The following SPPL2B variants were observed in gnomAD, a reference collection of about 807,000 sequenced individuals.
The protein encoded by SPPL2B is signal peptide peptidase like 2B.
SPPL2B carries 39 observed loss-of-function variants against 59.7 expected under a neutral mutation model. That is an observed-to-expected ratio of 0.65 (90% CI 0.51 to 0.85). The LOEUF (loss-of-function observed/expected upper bound fraction) is 0.85. SPPL2B is among the 40% of genes least tolerant of loss of function. SPPL2B has a pLI of 0.00. For missense variants in SPPL2B, 865 were observed against 849.0 expected, an observed-to-expected ratio of 1.02 and a Z score of -0.23; for synonymous variants, 419 against 370.8, an observed-to-expected ratio of 1.13 and a Z score of -1.49.
intron 13 of SPPL2B, among the ~76,000 whole-genome samples, chr19:2,349,969 T>TCC (rs1969804873): frequency 7.7e-5 from 10 of 130,108 alleles, no homozygotes; most frequent in African/African-American, 1.2e-4. Context: ...GTTCTCTCTC[T>TCC]ACACACACTC....
At position 2,334,688 on chromosome 19, in the gene SPPL2B, G is replaced by A; in HGVS notation, c.153G>A (p.Gln51=). ...ACTACTGCATCCTCTACAACCCGCA[G>A]TGGGCCCATCTTCCGCACGACCTCA... ...GKDYCILYNP[Q]WAHLPHDLSK... The change falls in exon 2 of 15, where the codon CAG becomes CAA. Residue 51 remains glutamine, a synonymous_variant. Coordinates refer to ENST00000613503, the MANE Select transcript of SPPL2B (RefSeq NM_152988.3). The A allele has an allele frequency of 6.2e-7, 1 of 1,612,336 alleles. No homozygotes were observed.
At position 2,353,344 on chromosome 19, in the gene SPPL2B, G is replaced by A; in HGVS notation, c.*135G>A. On this transcript the variant is annotated 3_prime_UTR_variant, in exon 15 of 15. Transcript: ENST00000613503. ...TGCCGTCCCCACCCGCCCCAACATGGTGCTCATCCTTGCCGAGACCCCTGC... is the reference window on the plus strand; with the variant it reads ...TGCCGTCCCCACCCGCCCCAACATGATGCTCATCCTTGCCGAGACCCCTGC... The A allele has an allele frequency of 2.6e-6, 3 of 1,142,094 alleles. No individual in the cohort carries two copies. The highest frequency in any genetic ancestry group is 3.6e-6 in the Non-Finnish European group (3 of 832,606). 70.7% of individuals were successfully genotyped at this position (1,142,094 alleles called of 1,614,324 possible).
intron 3 of SPPL2B, chr19:2,338,261 C>T (rs944442512): frequency 2.6e-5 from 4 of 156,022 alleles, no homozygotes; most frequent in South Asian, 2.0e-4. Flanking sequence ...GGGCTGCCCC[C>T]GCCAGTGTTG....
At chr19:2,348,724 TCTCATTC>T (rs1969663768) in intron 13 of SPPL2B, among the ~76,000 whole-genome samples, 1 of 136,980 alleles carries the variant, frequency 7.3e-6, no homozygotes, top group African/African-American at 2.8e-5. Flanking sequence ...ACACTCACGC[TCTCATTC>T]GCTTGATTCC....
In SPPL2B at chr19:2,339,067, A is replaced by G; in HGVS notation, c.460-2A>G. ...CTGCCTCCGGTGTGTTCCTTGAGGCAGCGTTTCGGCCGCACGGTGAGGGCG... is the reference window on the plus strand; with the variant it reads ...CTGCCTCCGGTGTGTTCCTTGAGGCGGCGTTTCGGCCGCACGGTGAGGGCG... On this transcript the variant is annotated splice_acceptor_variant, in intron 4 of 14. Coordinates refer to ENST00000613503, the MANE Select transcript of SPPL2B (RefSeq NM_152988.3). LOFTEE classifies it high-confidence loss of function. 1 of 1,553,938 alleles carries G rather than the reference A, an allele frequency of 6.4e-7. No individual in the cohort carries two copies. The highest frequency in any genetic ancestry group is 8.7e-7 in the Non-Finnish European group (1 of 1,148,570).
intron 13 of SPPL2B, among the ~76,000 whole-genome samples, chr19:2,345,759 C>G (rs1375033957): frequency 1.3e-5 from 2 of 149,318 alleles, no homozygotes; most frequent in African/African-American, 4.9e-5. Context: ...GTGCCTCCGT[C>G]CCCCTCTTTC....
At chr19:2,343,167 T>C in intron 8 of SPPL2B, 44 bp from the exon 9 acceptor site, 1 of 1,512,028 alleles carries the variant, frequency 6.6e-7, no homozygotes, top group African/African-American at 1.4e-5. Flanking sequence ...TCCTGGGTGG[T>C]CAGCCAGCCT....
intron 2 of SPPL2B, among the ~76,000 whole-genome samples, chr19:2,336,691 AGT>A (rs955034799): frequency 7.2e-6 from 1 of 138,112 alleles, no homozygotes; most frequent in African/African-American, 2.8e-5. Flanking sequence ...CTTGAGTGTG[AGT>A]GTGCATGTGT....
Position 2,333,240 on chromosome 19 carries a change from C to T in SPPL2B, c.67-1362C>T, listed in dbSNP as rs1486336666. ...AGGAGGAGGGTGGGGATGGCAGGTG[C>T]GGGCAGCTGGACTGGGCTCTGCTGG... On this transcript the variant is annotated intron_variant, in intron 1 of 14. Coordinates refer to ENST00000613503, the MANE Select transcript of SPPL2B (RefSeq NM_152988.3). Among the ~76,000 whole-genome samples, 10 of 111,114 alleles carry T rather than the reference C, an allele frequency of 9.0e-5. 1 individual carries two copies. Among genetic ancestry groups the T allele is most frequent in the Non-Finnish European group, 1.8e-4 (10 of 54,424 alleles). The allele number at this position is 111,114 out of a possible 152,430, so 72.9% of individuals were successfully genotyped here.
In SPPL2B at chr19:2,334,628, C is replaced by G; in HGVS notation, c.93C>G (p.His31Gln). The change falls in exon 2 of 15, where the codon CAC becomes CAG. Residue 31 changes from histidine (H) to glutamine (Q), a missense_variant. Physicochemically the swap from His to Gln is conservative, Grantham distance 24 (BLOSUM62 0). Coordinates refer to ENST00000613503, the MANE Select transcript of SPPL2B (RefSeq NM_152988.3). ...AQVACEYGMV[H>Q]VVSQAGGPEG... ...TGGCCTGTGAGTACGGCATGGTGCA[C>G]GTGGTCTCCCAGGCCGGGGGCCCCG... 1 of 1,612,792 alleles carries G rather than the reference C, an allele frequency of 6.2e-7. No individual in the cohort carries two copies. The highest frequency in any genetic ancestry group is 8.5e-7 in the Non-Finnish European group (1 of 1,179,458).
intron 9 of SPPL2B, among the ~76,000 whole-genome samples, 180 bp from the exon 10 acceptor site, chr19:2,343,785 A>G (rs1205377876): frequency 6.6e-6 from 1 of 152,120 alleles, no homozygotes; most frequent in Non-Finnish European, 1.5e-5. Flanking sequence ...TTTTGCCCGT[A>G]AATCCCTACC....
intron 5 of SPPL2B, 136 bp from the exon 6 acceptor site, chr19:2,339,688 C>T (rs1968895659): frequency 4.0e-6 from 4 of 1,004,558 alleles, no homozygotes; most frequent in Non-Finnish European, 5.9e-6. Context: ...CGGGGCGGTT[C>T]CTTGCACTTC....
Position 2,341,603 on chromosome 19 carries a change from T to C in SPPL2B, c.956+589T>C, listed in dbSNP as rs565612515. 2.1e-3 allele frequency: 941 copies of C among 456,330 alleles called. 13 individuals carry two copies. The highest frequency in any genetic ancestry group is 0.014 in the South Asian group (913 of 64,568). 28.3% of individuals were successfully genotyped at this position (456,330 alleles called of 1,614,324 possible). On this transcript the variant is annotated intron_variant, in intron 8 of 14. Transcript: ENST00000613503. ...CGTCCCCGCCCGGTCCCCACCGCTG[T>C]CGCTGATACCATCTGGCACTTCCTC...
At chr19:2,337,727 C>A in intron 3 of SPPL2B, 102 bp downstream of exon 3, 1 of 1,188,204 alleles carries the variant, frequency 8.4e-7, no homozygotes, top group Non-Finnish European at 1.1e-6. Flanking sequence ...CGACTTCTCG[C>A]TAAAGGCAGA....
chr19:2,337,696 C>T (rs1351446642), intron 3 of SPPL2B, 71 bp downstream of exon 3: 4 of 1,413,366 alleles, frequency 2.8e-6, no homozygotes, highest in Non-Finnish European at 3.8e-6. Context: ...GCAGAGATGG[C>T]AGCAGCTGGG....
chr19:2,341,824 C>T (rs990060977), intron 8 of SPPL2B: 3 of 343,608 alleles, frequency 8.7e-6, no homozygotes, highest in Non-Finnish European at 1.2e-5. Context: ...GTCAGCTGGG[C>T]GCAGGGGCTC....
chr19:2,337,671 AGGG>A, intron 3 of SPPL2B, 46 bp downstream of exon 3: 1 of 1,488,158 alleles, frequency 6.7e-7, no homozygotes, highest in South Asian at 1.3e-5. Context: ...CAGGGGCAGG[AGGG>A]GGGTGCAGGA....
intron 5 of SPPL2B, chr19:2,339,594 C>T (rs942281428): frequency 4.1e-5 from 25 of 606,182 alleles, no homozygotes; most frequent in Non-Finnish European, 6.7e-5. Context: ...GCCTCTGGCC[C>T]GGCCTAGTGG....
chr19:2,335,621 ACTGCATCCTTCAGGCC>A (rs1968550303), intron 2 of SPPL2B, among the ~76,000 whole-genome samples: 2 of 133,184 alleles, frequency 1.5e-5, no homozygotes, highest in South Asian at 4.9e-4. Context: ...CTCCTTTCCC[ACTGCATCCTTCAGGCC>A]CCGCCTCCTT....
Sources: gnomAD v4.1 joint callset for allele counts (sites outside exome capture counted in the v4.1 genomes callset) on GRCh38, gnomAD v4.1.1 for gene constraint, MANE v1.5 for transcripts, NCBI Gene and HGNC (gene_info 2026-07-23, HGNC 2026-07-21) for gene names.